The following SH3BGR variants were observed in gnomAD, a reference collection of about 807,000 sequenced individuals.
The protein encoded by SH3BGR is SH3 domain binding glutamate rich protein.
In SH3BGR, 29 loss-of-function variants were observed where a neutral mutation model predicts 24.5. The observed-to-expected ratio is 1.18, with a 90% CI of 0.88 to 1.61. The LOEUF is 1.61. SH3BGR is among the 40% of genes most tolerant of loss of function. The pLI is 0.00. For missense variants in SH3BGR, 162 were observed against 205.8 expected, an observed-to-expected ratio of 0.79 and a Z score of 1.30; for synonymous variants, 55 against 65.7, an observed-to-expected ratio of 0.84 and a Z score of 0.79.
chr21:39,482,708 C>T (rs1231531147), intron 3 of SH3BGR, among the ~76,000 whole-genome samples: 3 of 151,958 alleles, frequency 2.0e-5, no homozygotes, highest in Admixed American at 2.0e-4. Context: ...CTCGCTCTGT[C>T]ACCCAGGCTG....
intron 3 of SH3BGR, among the ~76,000 whole-genome samples, chr21:39,495,277 A>C (rs2078374113): frequency 6.6e-6 from 1 of 152,070 alleles, no homozygotes; most frequent in Non-Finnish European, 1.5e-5. Flanking sequence ...GGTATCTTGA[A>C]CATAGTGAGT....
intron 2 of SH3BGR, 99 bp from the exon 3 acceptor site, chr21:39,475,036 C>T: frequency 1.4e-6 from 1 of 703,708 alleles, no homozygotes; most frequent in Non-Finnish European, 2.3e-6. Flanking sequence ...TGTGTGAGCT[C>T]CTAACTTAAG....
At chr21:39,482,245 C>T (rs547869485) in intron 3 of SH3BGR, among the ~76,000 whole-genome samples, 3 of 152,296 alleles carry the variant, frequency 2.0e-5, no homozygotes, top group East Asian at 3.9e-4. Context: ...AAATTTGGAA[C>T]ATTCTTCAAG....
intron 3 of SH3BGR, among the ~76,000 whole-genome samples, chr21:39,475,818 T>A (rs1228185382): frequency 6.6e-6 from 1 of 152,208 alleles, no homozygotes; most frequent in East Asian, 1.9e-4. Context: ...TTAATTCATG[T>A]GACTTGCTAA....
At chr21:39,479,224 GGGTGGTGGTGGTGGTGGTGGT>G (rs973677506) in intron 3 of SH3BGR, among the ~76,000 whole-genome samples, 1,577 of 137,682 alleles carry the variant, frequency 0.011, 14 homozygotes, top group Non-Finnish European at 0.018. Flanking sequence ...GAGGTGGTAA[GGGTGGTGGTGGTGGTGGTGGT>G]GGTGGTGGTG....
At chr21:39,505,432 A>G (rs1194087936) in intron 4 of SH3BGR, among the ~76,000 whole-genome samples, 1 of 152,200 alleles carries the variant, frequency 6.6e-6, no homozygotes, top group African/African-American at 2.4e-5. Context: ...TGCTAAACAT[A>G]TCTTTTAAGA....
intron 3 of SH3BGR, among the ~76,000 whole-genome samples, chr21:39,498,722 T>C (rs888194192): frequency 1.3e-5 from 2 of 152,140 alleles, no homozygotes; most frequent in African/African-American, 4.8e-5. Context: ...CCATGCCCGT[T>C]TCCTCAAAAT....
rs186838048 is a variant in SH3BGR at position 39,481,115 on chromosome 21, A to G, written c.312+5900A>G. Among the ~76,000 whole-genome samples the G allele has an allele frequency of 2.3e-3, 356 of 152,304 alleles. 1 individual carries two copies. Among genetic ancestry groups the G allele is most frequent in the African/African-American group, 8.3e-3 (347 of 41,558 alleles). ...TATGAAATCTGCTTTTTAAAAAGAC[A>G]CCATGGACATTTTATTAATATTTTT... On this transcript the variant is annotated intron_variant, in intron 3 of 6. Transcript: ENST00000333634.
At chr21:39,456,358 G>A (rs920151739) in intron 1 of SH3BGR, among the ~76,000 whole-genome samples, 13 of 152,340 alleles carry the variant, frequency 8.5e-5, no homozygotes, top group African/African-American at 2.6e-4. Context: ...CAGCAAAGTC[G>A]TCTCTGAAAA....
At chr21:39,489,324 T>C (rs570686134) in intron 3 of SH3BGR, among the ~76,000 whole-genome samples, 13 of 152,320 alleles carry the variant, frequency 8.5e-5, no homozygotes, top group African/African-American at 2.6e-4. Flanking sequence ...GGAGAATCCC[T>C]GAAAGGTTAG....
Position 39,492,443 on chromosome 21 carries a change from G to GGTGGGTGTGT in SH3BGR, c.313-7377_313-7376insGGTGTGTGTG, listed in dbSNP as rs1183610917. On this transcript the variant is annotated intron_variant, in intron 3 of 6. Coordinates refer to ENST00000333634, the MANE Select transcript of SH3BGR (RefSeq NM_007341.3). ...TTTTTATGGCTGAGTAGTTTCCCTTGGTGTGTGTGTGTGTGTGTGTGTGTA... is the reference window on the plus strand; with the variant it reads ...TTTTTATGGCTGAGTAGTTTCCCTTGGTGGGTGTGTGTGTGTGTGTGTGTGTGTGTGTGTA... 3.5e-3 allele frequency among the ~76,000 whole-genome samples: 473 copies of GGTGGGTGTGT among 136,558 alleles called. 3 individuals are homozygous for GGTGGGTGTGT. The highest frequency in any genetic ancestry group is 0.012 in the African/African-American group (447 of 36,246). The allele number at this position is 136,558 out of a possible 152,430, so 89.6% of individuals were successfully genotyped here.
At chr21:39,506,336 G>T (rs2078582589) in intron 4 of SH3BGR, among the ~76,000 whole-genome samples, 2 of 152,212 alleles carry the variant, frequency 1.3e-5, no homozygotes, top group South Asian at 4.1e-4. Flanking sequence ...TGAGAAAATT[G>T]CATGTGACTC....
intron 1 of SH3BGR, among the ~76,000 whole-genome samples, chr21:39,453,268 G>C (rs2148444534): frequency 6.6e-6 from 1 of 152,312 alleles, no homozygotes; most frequent in South Asian, 2.1e-4. Flanking sequence ...TTGTTTTAGT[G>C]ATCTCTAGAA....
At chr21:39,510,455 C>T (rs941322954) in intron 5 of SH3BGR, among the ~76,000 whole-genome samples, 1 of 95,772 alleles carries the variant, frequency 1.0e-5, no homozygotes, top group Non-Finnish European at 2.2e-5. Context: ...CACACACACA[C>T]TGTAGCTACA....
chr21:39,489,842 A>G (rs1251556974), intron 3 of SH3BGR, among the ~76,000 whole-genome samples: 1 of 152,198 alleles, frequency 6.6e-6, no homozygotes, highest in Non-Finnish European at 1.5e-5. Flanking sequence ...CCACTTCTGT[A>G]AAGGAAAACA....
rs927662229 is a variant in SH3BGR, at chr21:39,504,926, C to T, written c.406-4072C>T. ...ATAGTGGGCTCGAGTGATTCTTCCACGTCAGCCTCCCGAGTAGCTGGGACT... is the reference window on the plus strand; with the variant it reads ...ATAGTGGGCTCGAGTGATTCTTCCATGTCAGCCTCCCGAGTAGCTGGGACT... On this transcript the variant is annotated intron_variant, in intron 4 of 6. Transcript: ENST00000333634. Among the ~76,000 whole-genome samples the T allele has an allele frequency of 2.6e-5, 4 of 152,142 alleles. No individual in the cohort carries two copies. In the South Asian group the frequency reaches 8.3e-4, roughly 32 times the overall value.
chr21:39,506,568 G>A (rs902978082), intron 4 of SH3BGR, among the ~76,000 whole-genome samples: 12 of 152,226 alleles, frequency 7.9e-5, no homozygotes, highest in African/African-American at 2.7e-4. Context: ...GAGGAGCAAA[G>A]CCATGTCTTA....
At chr21:39,476,155 A>G (rs1439654163) in intron 3 of SH3BGR, among the ~76,000 whole-genome samples, 1 of 152,212 alleles carries the variant, frequency 6.6e-6, no homozygotes, top group African/African-American at 2.4e-5. Flanking sequence ...GTTGCCTGGA[A>G]GATGAGAAAC....
rs1449243419 is a variant in SH3BGR at position 39,511,609 on chromosome 21, TAC to T, written c.436-69_436-68del. The T allele has an allele frequency of 2.6e-6, 4 of 1,518,006 alleles. No individual in the cohort carries two copies. The East Asian group carries it at 9.1e-5, about 35-fold the overall frequency. The allele number at this position is 1,518,006 out of a possible 1,614,324, so 94.0% of individuals were successfully genotyped here. On this transcript the variant is annotated intron_variant, in intron 5 of 6. Transcript: ENST00000333634. This position sits in a 1 kb window ranked among gnomAD's most constrained non-coding sequence, Gnocchi z 4.2. The stretch of plus-strand genomic sequence containing the variant: ...GGCTTTGACCTCTAGTCCAGCATTT[TAC>T]AGTCTTTTTCTCACTGTATCCTTGG...
Sources: gnomAD v4.1 joint callset for allele counts (sites outside exome capture counted in the v4.1 genomes callset) on GRCh38, gnomAD v4.1.1 for gene constraint, Gnocchi (gnomAD v3.1) non-coding constraint, MANE v1.5 for transcripts, NCBI Gene and HGNC (gene_info 2026-07-23, HGNC 2026-07-21) for gene names.